CDC42BPA: variants seen among roughly 807,000 people sequenced by gnomAD.
CDC42BPA encodes CDC42 binding protein kinase alpha.
CDC42BPA carries 80 observed loss-of-function variants against 223.5 expected under a neutral mutation model. The ratio of observed to expected loss-of-function variants is 0.36; its 90% CI spans 0.30 to 0.43. The LOEUF is 0.43. Ranked by LOEUF, CDC42BPA falls within the 20% of genes least tolerant of loss-of-function variation. CDC42BPA has a pLI of 1.00. For missense variants in CDC42BPA, 1,743 were observed against 2,099.9 expected (o/e 0.83, Z 3.32); for synonymous variants, 694 against 718.6 (o/e 0.97, Z 0.55).
Position 226,994,330 on chromosome 1 carries a change from A to T in CDC42BPA, c.5203T>A (p.Ser1735Thr), listed in dbSNP as rs545978830. 7.1e-5 allele frequency: 114 copies of T among 1,600,024 alleles called. No individual in the cohort carries two copies. In the South Asian group the frequency reaches 1.2e-3, roughly 17 times the overall value. The change falls in exon 37 of 37, where the codon TCA (serine) becomes ACA (threonine). Residue 1735 changes from serine to threonine, a missense_variant. By Grantham distance (58) the Ser-to-Thr change is moderately conservative. Around this residue, in one of 6 missense-constraint regions of CDC42BPA, gnomAD observed 200 missense variants for 192.8 expected, o/e 1.04. Transcript: ENST00000366766. This position sits in a 1 kb window ranked among gnomAD's most constrained non-coding sequence, Gnocchi z 4.0. ...GAGAGGCTCTTGGTTTTTCGGGGTG[A>T]AGCTGGGCTTGGGGGGCTGCTTAGG... ...SNLSSPPSPASPRKTKSLSLE... is the reference protein window; with the variant it reads ...SNLSSPPSPATPRKTKSLSLE...
At chr1:227,189,007 C>A (rs1048712676) in intron 5 of CDC42BPA, among the ~76,000 whole-genome samples, 2 of 151,954 alleles carry the variant, frequency 1.3e-5, no homozygotes, top group African/African-American at 4.8e-5. Context: ...TTTCTAAGAT[C>A]CTAAAACTGC....
chr1:227,299,491 C>A (rs1691264352), intron 1 of CDC42BPA, among the ~76,000 whole-genome samples: 1 of 152,028 alleles, frequency 6.6e-6, no homozygotes. Context: ...ACAAAATATA[C>A]TAAACTGTCA....
At chr1:227,204,488 C>T (rs1037445906) in intron 3 of CDC42BPA, among the ~76,000 whole-genome samples, 3 of 152,058 alleles carry the variant, frequency 2.0e-5, no homozygotes, top group Non-Finnish European at 4.4e-5. Flanking sequence ...CAACTAAAAT[C>T]CCAGAGTTTG....
At chr1:227,236,249 T>C (rs1678998082) in intron 2 of CDC42BPA, among the ~76,000 whole-genome samples, 2 of 152,184 alleles carry the variant, frequency 1.3e-5, no homozygotes, top group African/African-American at 4.8e-5. Context: ...TCTAATCCCT[T>C]GGGGAAACTA....
At chr1:227,014,660 A>G (rs1305153707) in intron 34 of CDC42BPA, among the ~76,000 whole-genome samples, 1 of 152,158 alleles carries the variant, frequency 6.6e-6, no homozygotes, top group Admixed American at 6.5e-5. Context: ...ATCTTCTATC[A>G]CTGTAGTGTT....
chr1:227,214,820 A>C (rs1453006554), intron 2 of CDC42BPA, among the ~76,000 whole-genome samples: 11 of 152,172 alleles, frequency 7.2e-5, no homozygotes, highest in Admixed American at 2.6e-4. Flanking sequence ...ATAACTACTA[A>C]TAACAGTAGT....
intron 16 of CDC42BPA, among the ~76,000 whole-genome samples, chr1:227,083,331 T>C (rs542111795): frequency 1.1e-4 from 17 of 152,190 alleles, no homozygotes; most frequent in Non-Finnish European, 2.2e-4. Context: ...CCAATCTGTT[T>C]TTAAAATGTT....
intron 2 of CDC42BPA, among the ~76,000 whole-genome samples, chr1:227,243,073 C>G (rs1466801274): frequency 2.0e-5 from 3 of 152,164 alleles, no homozygotes; most frequent in African/African-American, 4.8e-5. Flanking sequence ...AACACAGGAA[C>G]AGAAAACCAA....
intron 1 of CDC42BPA, among the ~76,000 whole-genome samples, chr1:227,273,995 CAAAAAAAAAA>C (rs10599884): frequency 5.3e-5 from 3 of 57,004 alleles, no homozygotes; most frequent in Non-Finnish European, 6.4e-5. Context: ...TCGTATACAC[CAAAAAAAAAA>C]AAAAAAAAAA....
Position 227,051,951 on chromosome 1 carries a change from G to A in CDC42BPA, c.2939C>T (p.Pro980Leu), listed in dbSNP as rs757344780. The change falls in exon 22 of 37, where the codon CCG becomes CTG. Residue 980 changes from proline (P) to leucine (L), a missense_variant. Pro to Leu is a moderately conservative substitution (Grantham distance 98, BLOSUM62 -3). Coordinates refer to ENST00000366766, the MANE Select transcript of CDC42BPA (RefSeq NM_001394014.1). ...TGACTGGATGTGAAACTTGACGCTC[G>A]GGTTCCATACATATGTGTTCTCAAC... ...DPVENTYVWN[P>L]SVKFHIQSRS... 1.2e-5 allele frequency: 16 copies of A among 1,366,216 alleles called. No individual in the cohort carries two copies. The highest frequency in any genetic ancestry group is 6.9e-6 in the Non-Finnish European group (7 of 1,021,732). The allele number at this position is 1,366,216 out of a possible 1,614,324, so 84.6% of individuals were successfully genotyped here. A position where few individuals can be genotyped will look rare whatever the true frequency, so the allele number is the denominator to read the frequency against.
intron 4 of CDC42BPA, among the ~76,000 whole-genome samples, chr1:227,195,758 T>G (rs149936995): frequency 1.3e-3 from 193 of 152,308 alleles, no homozygotes; most frequent in African/African-American, 4.4e-3. Context: ...TATTTGGTAC[T>G]CCTAATCACA....
chr1:227,082,337 A>T (rs1025401980), intron 16 of CDC42BPA, among the ~76,000 whole-genome samples: 1 of 152,108 alleles, frequency 6.6e-6, no homozygotes. Flanking sequence ...ATGCACCAGC[A>T]TGCCTGGCCC....
At chr1:227,128,448 A>C (rs1656310914) in intron 11 of CDC42BPA, among the ~76,000 whole-genome samples, 1 of 152,108 alleles carries the variant, frequency 6.6e-6, no homozygotes, top group Non-Finnish European at 1.5e-5. Flanking sequence ...TTATATATTT[A>C]CTGGTTTCTG....
chr1:227,139,286 A>G (rs1048500795), intron 10 of CDC42BPA, among the ~76,000 whole-genome samples: 4 of 152,162 alleles, frequency 2.6e-5, no homozygotes, highest in African/African-American at 4.8e-5. Context: ...TTAAAGTGCT[A>G]TAACGAAGTG....
At chr1:227,042,503 A>G (rs1214446001) in intron 23 of CDC42BPA, among the ~76,000 whole-genome samples, 1 of 152,154 alleles carries the variant, frequency 6.6e-6, no homozygotes, top group Non-Finnish European at 1.5e-5. Flanking sequence ...TAACGGGTTT[A>G]TATTTCACTA....
intron 32 of CDC42BPA, among the ~76,000 whole-genome samples, chr1:227,022,960 A>G (rs1667656532): frequency 6.6e-6 from 1 of 152,220 alleles, no homozygotes; most frequent in Non-Finnish European, 1.5e-5. Context: ...AGGTTCTACA[A>G]TATTGAAAAT....
chr1:227,059,243 C>T, intron 21 of CDC42BPA: 1 of 733,318 alleles, frequency 1.4e-6, no homozygotes, highest in Non-Finnish European at 2.3e-6. Context: ...GCAGGAGCAG[C>T]AGCACAAAGC....
chr1:227,094,397 A>G (rs773978741), intron 15 of CDC42BPA, among the ~76,000 whole-genome samples: 2 of 152,198 alleles, frequency 1.3e-5, no homozygotes, highest in Non-Finnish European at 2.9e-5. Context: ...TAGTTCAACA[A>G]TGAATAGCCA....
chr1:227,273,879 A>T (rs1038088825), intron 1 of CDC42BPA, among the ~76,000 whole-genome samples: 5 of 150,776 alleles, frequency 3.3e-5, no homozygotes, highest in Non-Finnish European at 7.4e-5. Context: ...AAAAACACAA[A>T]TAACCCAAAG....
Sources: gnomAD v4.1 joint callset for allele counts (sites outside exome capture counted in the v4.1 genomes callset) on GRCh38, gnomAD v4.1.1 for gene constraint, gnomAD v4.1.1 regional missense constraint, Gnocchi (gnomAD v3.1) non-coding constraint, MANE v1.5 for transcripts, NCBI Gene and HGNC (gene_info 2026-07-23, HGNC 2026-07-21) for gene names.